LY96: variants seen among roughly 807,000 people sequenced by gnomAD.
LY96 encodes myeloid differentiation protein-2.
In LY96, 18 loss-of-function variants were observed where a neutral mutation model predicts 18.9. The observed-to-expected ratio is 0.95, with a 90% CI of 0.66 to 1.41. The LOEUF is 1.41. LY96 is among the 40% of genes most tolerant of loss of function. The pLI is 0.00. For missense variants in LY96, 175 were observed against 182.4 expected (o/e 0.96, Z 0.23); for synonymous variants, 66 against 62.6 (o/e 1.06, Z -0.26).
chr8:74,031,711 C>G (rs1816972801), downstream of LY96, among the ~76,000 whole-genome samples: 1 of 151,456 alleles, frequency 6.6e-6, no homozygotes, highest in Admixed American at 6.6e-5. Context: ...AAAAATTATA[C>G]AGATAAAACT....
intron 4 of LY96, 98 bp downstream of exon 4, chr8:74,026,939 T>TA: frequency 1.5e-6 from 1 of 689,306 alleles, no homozygotes; most frequent in Non-Finnish European, 2.6e-6. Context: ...CCTTTTTCTT[T>TA]CTTTTTTTTT....
intron 3 of LY96, among the ~76,000 whole-genome samples, chr8:74,012,897 T>C (rs1816558495): frequency 6.6e-6 from 1 of 152,088 alleles, no homozygotes. Context: ...AATAGAACTA[T>C]ATGTTATTGG....
At chr8:74,022,205 C>T (rs1055829677) in intron 3 of LY96, among the ~76,000 whole-genome samples, 1 of 152,014 alleles carries the variant, frequency 6.6e-6, no homozygotes, top group Non-Finnish European at 1.5e-5. Flanking sequence ...GTTAGGAGTT[C>T]CAGACCAGCC....
chr8:74,034,388 T>A, the LY96 span, among the ~76,000 whole-genome samples: 10 of 151,942 alleles, frequency 6.6e-5, no homozygotes, highest in South Asian at 1.7e-3. Context: ...AAAAAAAAAT[T>A]CTTTAATAGA....
chr8:74,031,580 C>T (rs944727090), downstream of LY96, among the ~76,000 whole-genome samples: 1 of 150,088 alleles, frequency 6.7e-6, no homozygotes, highest in African/African-American at 2.5e-5. Context: ...TGCGGTGAGC[C>T]GAGATCGTGC....
intron 1 of LY96, among the ~76,000 whole-genome samples, chr8:73,997,921 G>A (rs193044013): frequency 5.3e-5 from 8 of 152,304 alleles, no homozygotes; most frequent in Non-Finnish European, 1.0e-4. Context: ...GCATCTCCAT[G>A]TGTTCACCAA....
chr8:74,048,120 G>C, the LY96 span, among the ~76,000 whole-genome samples: 1 of 152,060 alleles, frequency 6.6e-6, no homozygotes, highest in Admixed American at 6.5e-5. Flanking sequence ...GAACTCCTTG[G>C]GCTCAAGTCC....
chr8:74,033,891 A>T (rs554228019), downstream of LY96, among the ~76,000 whole-genome samples: 150 of 146,076 alleles, frequency 1.0e-3, no homozygotes, highest in Non-Finnish European at 1.9e-3. Context: ...AAAACAGGAC[A>T]ATTGGAGACT....
At chr8:74,054,617 C>CTTCTTTTTTTCTTTTTTTCTTTCT in the LY96 span, among the ~76,000 whole-genome samples, 180 of 70,168 alleles carry the variant, frequency 2.6e-3, no homozygotes, top group African/African-American at 9.3e-3. Flanking sequence ...TTTCCTTTTC[C>CTTCTTTTTTTCTTTTTTTCTTTCT]TTCTTTCTTT....
the LY96 span, among the ~76,000 whole-genome samples, chr8:74,037,941 A>C: frequency 7.6e-4 from 116 of 152,314 alleles, 1 homozygote; most frequent in Non-Finnish European, 8.8e-4. Flanking sequence ...GGGTTAACTT[A>C]TCCGTTAGGT....
chr8:74,075,948 G>A, the LY96 span, among the ~76,000 whole-genome samples: 2 of 152,200 alleles, frequency 1.3e-5, no homozygotes, highest in Admixed American at 1.3e-4. Flanking sequence ...GCTAGACGGA[G>A]AAGACCTGTT....
the LY96 span, among the ~76,000 whole-genome samples, chr8:74,071,251 T>C: frequency 1.6e-5 from 2 of 126,820 alleles, no homozygotes; most frequent in African/African-American, 6.9e-5. Context: ...TACAAGGACT[T>C]TTTTTTTTTT....
chr8:74,002,056 T>C (rs1331149604), intron 1 of LY96, among the ~76,000 whole-genome samples: 8 of 42,242 alleles, frequency 1.9e-4, no homozygotes, highest in East Asian at 1.2e-3. Flanking sequence ...CCTTCCTTCC[T>C]TCCTTCCTTC....
intron 3 of LY96, among the ~76,000 whole-genome samples, chr8:74,022,090 A>G (rs1816774457): frequency 6.6e-6 from 1 of 152,128 alleles, no homozygotes; most frequent in Admixed American, 6.5e-5. Flanking sequence ...AAAGAAAAGA[A>G]AAGAATGGAA....
chr8:74,000,576 C>CT (rs1158689321), intron 1 of LY96, among the ~76,000 whole-genome samples: 1 of 152,114 alleles, frequency 6.6e-6, no homozygotes, highest in Non-Finnish European at 1.5e-5. Context: ...GCAATATGGA[C>CT]TTTTTTCTAG....
the LY96 span, among the ~76,000 whole-genome samples, chr8:74,080,645 T>G: frequency 2.2e-4 from 33 of 152,218 alleles, no homozygotes; most frequent in African/African-American, 7.7e-4. Flanking sequence ...ACTGATTCCC[T>G]GCTTCCCAAC....
At chr8:74,095,418 G>C in the LY96 span, among the ~76,000 whole-genome samples, 1 of 152,132 alleles carries the variant, frequency 6.6e-6, no homozygotes, top group South Asian at 2.1e-4. Flanking sequence ...CTCCCTATAG[G>C]TTTAATGCCA....
chr8:74,010,879 G>T (rs1351424068), intron 3 of LY96, among the ~76,000 whole-genome samples: 1 of 144,764 alleles, frequency 6.9e-6, no homozygotes, highest in South Asian at 2.1e-4. Flanking sequence ...CTTTCTCTTT[G>T]GAAAAAAAAA....
intron 3 of LY96, among the ~76,000 whole-genome samples, chr8:74,012,242 G>A (rs1816546903): frequency 6.6e-6 from 1 of 152,112 alleles, no homozygotes; most frequent in Non-Finnish European, 1.5e-5. Context: ...GCACTCATAT[G>A]TTTATTGCAC....
Sources: gnomAD v4.1 joint callset for allele counts (sites outside exome capture counted in the v4.1 genomes callset) on GRCh38, gnomAD v4.1.1 for gene constraint, MANE v1.5 for transcripts, NCBI Gene and HGNC (gene_info 2026-07-23, HGNC 2026-07-21) for gene names.